The following STARD3 variants were observed in gnomAD, a reference collection of about 807,000 sequenced individuals.
STARD3 encodes the protein stAR-related lipid transfer protein 3.
Under a neutral mutation model 62.0 loss-of-function variants are expected in STARD3, and 39 were observed. The observed-to-expected ratio is 0.63, with a 90% CI of 0.49 to 0.82. The LOEUF is 0.82. Among genes scored for constraint, STARD3 ranks in the 40% least tolerant of loss-of-function variants. STARD3 has a pLI of 0.00. For missense variants in STARD3, 543 were observed against 584.5 expected, an observed-to-expected ratio of 0.93 and a Z score of 0.73; for synonymous variants, 229 against 242.4, an observed-to-expected ratio of 0.94 and a Z score of 0.51.
In STARD3 at chr17:39,660,893, A is replaced by T; in HGVS notation, c.1034+4A>T. Reference sequence around the variant, plus strand: ...CGGGCGGCGTGGTCTCCCCAAGGTGAGTCCATGCCGGGCCCCCTCCTTTCA... The same window carrying T: ...CGGGCGGCGTGGTCTCCCCAAGGTGTGTCCATGCCGGGCCCCCTCCTTTCA... On this transcript the variant is annotated splice_donor_region_variant and intron_variant, in intron 12 of 14. Coordinates refer to ENST00000336308, the MANE Select transcript of STARD3 (RefSeq NM_006804.4). The surrounding 1 kb of genome is among the most constrained non-coding windows in gnomAD (Gnocchi z 4.8). 6.2e-7 allele frequency: 1 copy of T among 1,604,058 alleles called. No individual in the cohort carries two copies. Among genetic ancestry groups the T allele is most frequent in the Non-Finnish European group, 8.5e-7 (1 of 1,173,078 alleles).
chr17:39,651,315 G>A (rs760407665), intron 1 of STARD3, among the ~76,000 whole-genome samples: 1 of 152,238 alleles, frequency 6.6e-6, no homozygotes, highest in Non-Finnish European at 1.5e-5. Context: ...TGTTTTGGAC[G>A]TGGTAGACTG....
chr17:39,650,354 A>G (rs1292729654), intron 1 of STARD3, among the ~76,000 whole-genome samples: 2 of 152,216 alleles, frequency 1.3e-5, no homozygotes, highest in African/African-American at 4.8e-5. Context: ...GGAGCCAGGA[A>G]GAGGCAAGGA....
In STARD3 at chr17:39,661,022, G is replaced by T; in HGVS notation, c.1076G>T (p.Arg359Leu). 6.2e-7 allele frequency: 1 copy of T among 1,613,786 alleles called. No individual in the cohort carries two copies. Among genetic ancestry groups the T allele is most frequent in the Non-Finnish European group, 8.5e-7 (1 of 1,180,022 alleles). The change falls in exon 13 of 15, where the codon CGA (arginine) becomes CTA (leucine). Residue 359 changes from arginine (R) to leucine (L), a missense_variant. By Grantham distance (102) the Arg-to-Leu change is moderately radical (BLOSUM62 -2). Coordinates refer to ENST00000336308, the MANE Select transcript of STARD3 (RefSeq NM_006804.4). Reference protein sequence around the residue: ...NVRRIERRRDRYLSSGIATSH... With the variant: ...NVRRIERRRDLYLSSGIATSH... ...CGGCGCATTGAGCGGCGCAGGGACC[G>T]ATACTTGTCATCAGGGATCGCCACC...
chr17:39,654,585 G>T (rs899030655), intron 2 of STARD3, among the ~76,000 whole-genome samples: 16 of 151,562 alleles, frequency 1.1e-4, no homozygotes, highest in Admixed American at 8.5e-4. Context: ...GCCTGATCTG[G>T]TCTCCAGGCA....
rs1477880887 is a variant in STARD3, at chr17:39,659,121, A to G, written c.702+15A>G. 2 of 1,614,004 alleles carry G rather than the reference A, an allele frequency of 1.2e-6. No individual in the cohort carries two copies. The highest frequency in any genetic ancestry group is 1.7e-6 in the Non-Finnish European group (2 of 1,179,972). ...TCTCTGCTCAGGTATTTGCCTGCCTACCCCTAACCCCTGCCCTTGGAATGG... is the reference window on the plus strand; with the variant it reads ...TCTCTGCTCAGGTATTTGCCTGCCTGCCCCTAACCCCTGCCCTTGGAATGG... On this transcript the variant is annotated intron_variant, in intron 8 of 14. Coordinates refer to ENST00000336308, the MANE Select transcript of STARD3 (RefSeq NM_006804.4).
chr17:39,659,602 T>C, intron 9 of STARD3, 49 bp downstream of exon 9: 3 of 1,588,352 alleles, frequency 1.9e-6, no homozygotes, highest in Non-Finnish European at 2.6e-6. Flanking sequence ...TAGGAGTTTC[T>C]GTTCTCTTTT....
chr17:39,640,226 C>T (rs933234908), intron 1 of STARD3, among the ~76,000 whole-genome samples: 1 of 152,144 alleles, frequency 6.6e-6, no homozygotes, highest in Non-Finnish European at 1.5e-5. Flanking sequence ...CCACTGAATG[C>T]GAGAGCCTGT....
chr17:39,663,430 TG>T lies in STARD3; in HGVS notation c.*527del. 1 of 226,238 alleles carries T rather than the reference TG, an allele frequency of 4.4e-6. No homozygotes were observed. Among genetic ancestry groups the T allele is most frequent in the Non-Finnish European group, 8.5e-6 (1 of 117,008 alleles). 14.0% of individuals were successfully genotyped at this position (226,238 alleles called of 1,614,324 possible). On this transcript the variant is annotated 3_prime_UTR_variant, in exon 15 of 15. Transcript: ENST00000336308. ...CTGTCCCCCTCCTCCCAGGGCCTCC[TG>T]GGGGACCTTTGTATTAAGCCAATTA...
intron 1 of STARD3, among the ~76,000 whole-genome samples, chr17:39,643,284 G>A (rs568696903): frequency 6.6e-6 from 1 of 152,156 alleles, no homozygotes; most frequent in Non-Finnish European, 1.5e-5. Flanking sequence ...CTGTCCCCCA[G>A]CTAGCAAGGA....
Position 39,660,119 on chromosome 17 carries a change from TA to T in STARD3, c.796-87del. ...CCTGGAGTTTTCCACCCTGAGCTGT[TA>T]AAAACCTGCCCTGCCTGTCACCCAT... On this transcript the variant is annotated intron_variant, in intron 9 of 14. Coordinates refer to ENST00000336308, the MANE Select transcript of STARD3 (RefSeq NM_006804.4). The surrounding 1 kb of genome is among the most constrained non-coding windows in gnomAD (Gnocchi z 4.8). 1 of 1,384,294 alleles carries T rather than the reference TA, an allele frequency of 7.2e-7. No individual in the cohort carries two copies. The highest frequency in any genetic ancestry group is 1.0e-6 in the Non-Finnish European group (1 of 972,390). The allele number at this position is 1,384,294 out of a possible 1,614,324, so 85.8% of individuals were successfully genotyped here. A position where few individuals can be genotyped will look rare whatever the true frequency, so the allele number is the denominator to read the frequency against.
chr17:39,639,721 G>A (rs991978696), intron 1 of STARD3, among the ~76,000 whole-genome samples: 2 of 152,348 alleles, frequency 1.3e-5, no homozygotes, highest in South Asian at 2.1e-4. Flanking sequence ...ACTATGCTCC[G>A]GAGGCCTAGT....
chr17:39,643,927 G>A (rs141453941), intron 1 of STARD3, among the ~76,000 whole-genome samples: 127 of 152,330 alleles, frequency 8.3e-4, no homozygotes, highest in African/African-American at 2.9e-3. Flanking sequence ...TTTTATAGGC[G>A]AGGAAACTGA....
rs1703755677 is a variant in STARD3, at chr17:39,657,769, C to A, written c.298-6C>A. 1 of 1,614,110 alleles carries A rather than the reference C, an allele frequency of 6.2e-7. No individual in the cohort carries two copies. The highest frequency in any genetic ancestry group is 8.5e-7 in the Non-Finnish European group (1 of 1,179,976). ...CTGTGACTGCCTTGCTCCCGTCCCC[C>A]ACCAGGTCCTGGCCTTCTTCCGCTT... is the stretch of plus-strand genomic sequence containing the variant. On this transcript the variant is annotated splice_region_variant and splice_polypyrimidine_tract_variant and intron_variant, in intron 3 of 14. Coordinates refer to ENST00000336308, the MANE Select transcript of STARD3 (RefSeq NM_006804.4).
intron 1 of STARD3, among the ~76,000 whole-genome samples, chr17:39,646,921 G>A (rs556583548): frequency 7.2e-5 from 11 of 151,876 alleles, no homozygotes; most frequent in Admixed American, 3.9e-4. Context: ...CTCCACTTTT[G>A]CCCGGCGTGG....
chr17:39,637,297 G>C (rs1386637593), intron 1 of STARD3, 66 bp downstream of exon 1: 2 of 152,448 alleles, frequency 1.3e-5, no homozygotes, highest in African/African-American at 4.8e-5. Context: ...GGTCGAACCC[G>C]CTTCGCCGCC....
In STARD3 at chr17:39,650,018, G is replaced by T. The variant is rs145043260; in HGVS notation, c.-51-3463G>T. Among the ~76,000 whole-genome samples, 873 of 152,224 alleles carry T rather than the reference G, an allele frequency of 5.7e-3. 3 individuals are homozygous for T. Among genetic ancestry groups the T allele is most frequent in the Middle Eastern group, 0.01 (3 of 294 alleles). On this transcript the variant is annotated intron_variant, in intron 1 of 14. Transcript: ENST00000336308. ...AGACCAAGAAGGGAGGATTGCTTGA[G>T]CCCAGGACTTCAAGAACACCCCATC...
At chr17:39,638,762 C>A (rs990768176) in intron 1 of STARD3, among the ~76,000 whole-genome samples, 1 of 152,318 alleles carries the variant, frequency 6.6e-6, no homozygotes, top group South Asian at 2.1e-4. Flanking sequence ...GTAGGAATGT[C>A]TCTACTTCAT....
rs1397493966 is a variant in STARD3, at chr17:39,660,376, G to T, written c.859-55G>T. 12 of 1,611,442 alleles carry T rather than the reference G, an allele frequency of 7.4e-6. No homozygotes were observed. The highest frequency in any genetic ancestry group is 1.3e-5 in the African/African-American group (1 of 74,876). On this transcript the variant is annotated intron_variant, in intron 10 of 14. Transcript: ENST00000336308. This position sits in a 1 kb window ranked among gnomAD's most constrained non-coding sequence, Gnocchi z 4.8. ...GGGTGCCCCCCACCAAGAGGGAAGG[G>T]TTGGTCTGCCCGAGCCCATCTGGCA...
intron 13 of STARD3, 79 bp downstream of exon 13, chr17:39,661,164 C>T (rs1597801280): frequency 1.5e-6 from 2 of 1,310,450 alleles, no homozygotes; most frequent in Non-Finnish European, 2.2e-6. Flanking sequence ...ACAGCATGTA[C>T]AGCTGGGCAC....
Sources: gnomAD v4.1 joint callset for allele counts (sites outside exome capture counted in the v4.1 genomes callset) on GRCh38, gnomAD v4.1.1 for gene constraint, Gnocchi (gnomAD v3.1) non-coding constraint, MANE v1.5 for transcripts, NCBI Gene and HGNC (gene_info 2026-07-23, HGNC 2026-07-21) for gene names.